The following SHROOM4 variants were observed in gnomAD, a reference collection of about 807,000 sequenced individuals.
The protein encoded by SHROOM4 is shroom family member 4, also known as protein Shroom4.
A neutral mutation model predicts 80.3 loss-of-function variants in SHROOM4; 17 were observed. The ratio of observed to expected loss-of-function variants is 0.21; its 90% CI spans 0.14 to 0.32. SHROOM4 has a LOEUF of 0.32. SHROOM4 is among the 10% of genes least tolerant of loss of function. The pLI is 1.00. For missense variants in SHROOM4, 993 were observed against 1,140.3 expected (o/e 0.87, Z 1.86); for synonymous variants, 400 against 437.5 (o/e 0.91, Z 1.07).
chrX:50,678,604 C>T (rs1274200780), intron 2 of SHROOM4, among the ~76,000 whole-genome samples: 1 of 111,810 alleles, frequency 8.9e-6, no homozygotes, highest in East Asian at 2.8e-4. Context: ...CACTCTTCTA[C>T]TTCTCTAGGG....
chrX:50,634,840 A>G lies in SHROOM4; in HGVS notation c.1233T>C (p.Ser411=), dbSNP rs1202422101. Residue 411 remains serine, a synonymous_variant, in exon 4 of 9, where the codon AGT becomes AGC. Transcript: ENST00000376020. ...HLIGPTGHRH[S]APEQLLASHL... Reference sequence around the variant, plus strand: ...GGGATGCCAGCAGCTGTTCAGGGGCACTATGGCGATGCCCTGTGGGTCCTA... The same window carrying G: ...GGGATGCCAGCAGCTGTTCAGGGGCGCTATGGCGATGCCCTGTGGGTCCTA... 8.3e-7 allele frequency: 1 copy of G among 1,207,257 alleles called. No individual in the cohort carries two copies. The highest frequency in any genetic ancestry group is 1.8e-5 in the African/African-American group (1 of 57,125).
intron 5 of SHROOM4, among the ~76,000 whole-genome samples, chrX:50,625,252 A>G (rs1930749205): frequency 8.9e-6 from 1 of 112,407 alleles, no homozygotes; most frequent in Non-Finnish European, 1.9e-5. Flanking sequence ...AATAGCCAGA[A>G]ATTGGAAACA....
intron 2 of SHROOM4, among the ~76,000 whole-genome samples, chrX:50,682,480 T>G (rs1178257910): frequency 9.0e-6 from 1 of 111,544 alleles, no homozygotes; most frequent in Non-Finnish European, 1.9e-5. Context: ...TCACTATACT[T>G]AAGATAGGAG....
rs782790873 is a variant in SHROOM4 at position 50,652,997 on chromosome X, G to A, written c.270-14689C>T. 2.4e-3 allele frequency among the ~76,000 whole-genome samples: 269 copies of A among 111,641 alleles called. 2 individuals carry two copies. The highest frequency in any genetic ancestry group is 3.3e-3 in the Non-Finnish European group (177 of 53,156). On this transcript the variant is annotated intron_variant, in intron 2 of 8. Transcript: ENST00000376020. The stretch of plus-strand genomic sequence containing the variant: ...TTGTAGTATAGTTTGAAGTCAGGTA[G>A]CATGATGCCTCCAGCTTTGTTCTTT...
At chrX:50,647,487 C>T (rs1931883521) in intron 2 of SHROOM4, among the ~76,000 whole-genome samples, 1 of 111,565 alleles carries the variant, frequency 9.0e-6, no homozygotes, top group African/African-American at 3.3e-5. Context: ...TGCCATGATG[C>T]CCAGTTTCCT....
intron 2 of SHROOM4, among the ~76,000 whole-genome samples, chrX:50,679,265 C>T (rs185550631): frequency 1.8e-5 from 2 of 111,207 alleles, no homozygotes; most frequent in African/African-American, 3.3e-5. Context: ...TTCTTTCCAC[C>T]GCTGCATCAC....
intron 7 of SHROOM4, 136 bp downstream of exon 7, chrX:50,602,497 T>C: frequency 1.6e-6 from 1 of 607,859 alleles, no homozygotes; most frequent in East Asian, 3.3e-5. Flanking sequence ...CTGTGAGAAA[T>C]CCAGAGAGGC....
chrX:50,710,387 A>G (rs1467268990), intron 1 of SHROOM4, among the ~76,000 whole-genome samples: 1 of 111,952 alleles, frequency 8.9e-6, no homozygotes, highest in East Asian at 2.8e-4. Context: ...GCTGGAAGTC[A>G]TTATCCTAAG....
At chrX:50,749,066 G>C (rs1166641623) in intron 1 of SHROOM4, among the ~76,000 whole-genome samples, 1 of 111,274 alleles carries the variant, frequency 9.0e-6, no homozygotes, top group East Asian at 2.8e-4. Flanking sequence ...CAAAAAAATA[G>C]CTGAGTATGG....
chrX:50,722,586 T>C (rs1934141805), intron 1 of SHROOM4, among the ~76,000 whole-genome samples: 1 of 110,812 alleles, frequency 9.0e-6, no homozygotes, highest in Admixed American at 9.6e-5. Flanking sequence ...CACTCCTAAA[T>C]AACAGGAGGG....
chrX:50,695,653 G>T, intron 2 of SHROOM4, 133 bp downstream of exon 2: 1 of 739,303 alleles, frequency 1.4e-6, no homozygotes. Flanking sequence ...TGCTTCAGTT[G>T]TCTGCAAAAT....
intron 1 of SHROOM4, among the ~76,000 whole-genome samples, chrX:50,700,049 A>C (rs7051903): frequency 0.054 from 6,074 of 111,766 alleles, 441 homozygotes; most frequent in African/African-American, 0.19. Flanking sequence ...TCTGCCTGCT[A>C]CAGGAAATTT....
Position 50,634,927 on chromosome X carries a change from G to A in SHROOM4, c.1146C>T (p.Asn382=), listed in dbSNP as rs1557255506. The A allele has an allele frequency of 2.5e-6, 3 of 1,208,649 alleles. No homozygotes were observed. Among genetic ancestry groups the A allele is most frequent in the Admixed American group, 2.2e-5 (1 of 45,680 alleles). The change falls in exon 4 of 9, where the codon AAC becomes AAT. Residue 382 remains asparagine (N), a synonymous_variant. Transcript: ENST00000376020. ...GCTCTGCAGAAGCCTCATTGAGTGG[G>A]TTGGAATCCACGCTGGAAGCTCTGT... ...ACDRASSVDS[N]PLNEASAELA... is the part of the protein sequence containing the mutation.
downstream of SHROOM4, among the ~76,000 whole-genome samples, chrX:50,582,781 A>G (rs1310983986): frequency 1.8e-5 from 2 of 111,827 alleles, no homozygotes; most frequent in African/African-American, 3.2e-5. Context: ...GTTTAAAATT[A>G]TAATATACTT....
At chrX:50,761,556 C>T (rs1935155437) in intron 1 of SHROOM4, among the ~76,000 whole-genome samples, 1 of 111,063 alleles carries the variant, frequency 9.0e-6, no homozygotes, top group Admixed American at 9.5e-5. Flanking sequence ...TGCTTGTTGG[C>T]CACATGTATA....
At chrX:50,582,919 T>C (rs1442489505), downstream of SHROOM4, among the ~76,000 whole-genome samples, 1 of 110,844 alleles carries the variant, frequency 9.0e-6, no homozygotes, top group Non-Finnish European at 1.9e-5. Context: ...TATTTAACTA[T>C]TTGGAAGTTA....
Position 50,772,335 on chromosome X carries a change from C to G in SHROOM4, c.117+41567G>C, listed in dbSNP as rs566573035. Among the ~76,000 whole-genome samples, 4 of 111,110 alleles carry G rather than the reference C, an allele frequency of 3.6e-5. No individual in the cohort carries two copies. The East Asian group carries it at 1.1e-3, about 31-fold the overall frequency. ...GTACACTTATATTTTGATCTCATAA[C>G]AGTACTTATGAGGTATGTAATACTG... On this transcript the variant is annotated intron_variant, in intron 1 of 8. Transcript: ENST00000376020.
At chrX:50,623,809 T>G (rs1185359349) in intron 5 of SHROOM4, among the ~76,000 whole-genome samples, 1 of 112,030 alleles carries the variant, frequency 8.9e-6, no homozygotes, top group Non-Finnish European at 1.9e-5. Flanking sequence ...AAACAAAATG[T>G]GATGCATCCA....
intron 1 of SHROOM4, among the ~76,000 whole-genome samples, chrX:50,743,915 T>G (rs1428782093): frequency 2.7e-5 from 3 of 111,928 alleles, no homozygotes; most frequent in Non-Finnish European, 5.6e-5. Context: ...CTTTACGACT[T>G]CGAGTATGTC....
Sources: gnomAD v4.1 joint callset for allele counts (sites outside exome capture counted in the v4.1 genomes callset) on GRCh38, gnomAD v4.1.1 for gene constraint, MANE v1.5 for transcripts, NCBI Gene and HGNC (gene_info 2026-07-23, HGNC 2026-07-21) for gene names.